ZZZ3: variants seen among roughly 807,000 people sequenced by gnomAD.
The protein encoded by ZZZ3 is ZZ-type zinc finger-containing protein 3.
In ZZZ3, 22 loss-of-function variants were observed where a neutral mutation model predicts 95.2. The observed-to-expected ratio is 0.23, with a 90% CI of 0.17 to 0.33. The LOEUF is 0.33. Among genes scored for constraint, ZZZ3 ranks in the 10% least tolerant of loss-of-function variants. The pLI is 1.00. For missense variants in ZZZ3, 885 were observed against 1,066.5 expected (o/e 0.83, Z 2.37); for synonymous variants, 335 against 358.9 (o/e 0.93, Z 0.75).
intron 4 of ZZZ3, among the ~76,000 whole-genome samples, chr1:77,638,874 G>T (rs114874323): frequency 0.03 from 4,533 of 152,236 alleles, 84 homozygotes; most frequent in Non-Finnish European, 0.044. Flanking sequence ...CCTCAGCAGT[G>T]CAATTACCAC....
At position 77,633,044 on chromosome 1, in the gene ZZZ3, C is replaced by G. The variant is rs1667955484; in HGVS notation, c.311G>C (p.Cys104Ser). ...DNIERQAIEN[C>S]ERRQTEPVSP... ...AACAGGTTCTGTTTGCCTTCTCTCA[C>G]AATTTTCTATAGCCTGCCTTTCTAT... The change falls in exon 5 of 15, where the codon TGT becomes TCT. Residue 104 changes from cysteine (C) to serine (S), a missense_variant. Physicochemically the swap from Cys to Ser is moderately radical, Grantham distance 112. Around this residue, in one of 5 missense-constraint regions of ZZZ3, gnomAD observed 556 missense variants for 652.9 expected, o/e 0.85. Transcript: ENST00000370801. The G allele has an allele frequency of 1.2e-6, 2 of 1,613,916 alleles. No homozygotes were observed. The highest frequency in any genetic ancestry group is 1.7e-6 in the Non-Finnish European group (2 of 1,180,002).
rs1190709390 is a variant in ZZZ3 at position 77,576,210 on chromosome 1, C to T, written c.2189G>A (p.Ser730Asn). Residue 730 changes from serine to asparagine, a missense_variant, in exon 12 of 15, where the codon AGC becomes AAC. Ser to Asn is a conservative substitution (Grantham distance 46). Around this residue, in one of 5 missense-constraint regions of ZZZ3, gnomAD observed 221 missense variants for 247.8 expected, o/e 0.89. Coordinates refer to ENST00000370801, the MANE Select transcript of ZZZ3 (RefSeq NM_015534.6). ...LYIYSKKSST[S>N]RRQHPLNKHL... The stretch of plus-strand genomic sequence containing the variant: ...CTTATTAAGAGGGTGCTGTCGTCTG[C>T]TTGTTGAAGACTAAGTAAGAAAACA... 1 of 1,593,238 alleles carries T rather than the reference C, an allele frequency of 6.3e-7. No individual in the cohort carries two copies. Among genetic ancestry groups the T allele is most frequent in the East Asian group, 2.2e-5 (1 of 44,558 alleles).
At chr1:77,601,400 G>C (rs1178828355) in intron 5 of ZZZ3, among the ~76,000 whole-genome samples, 1 of 152,052 alleles carries the variant, frequency 6.6e-6, no homozygotes, top group African/African-American at 2.4e-5. Context: ...AACAGAAATA[G>C]AAAATAGAAT....
At chr1:77,602,898 C>T (rs1319736349) in intron 5 of ZZZ3, among the ~76,000 whole-genome samples, 3 of 151,980 alleles carry the variant, frequency 2.0e-5, no homozygotes, top group African/African-American at 4.8e-5. Flanking sequence ...TCACCACGCT[C>T]GGCTACATGA....
At position 77,643,312 on chromosome 1, in the gene ZZZ3, T is replaced by C. The variant is rs74090678; in HGVS notation, c.-402-1657A>G. Among the ~76,000 whole-genome samples the C allele has an allele frequency of 3.4e-3, 524 of 152,344 alleles. 3 individuals carry two copies. Among genetic ancestry groups the C allele is most frequent in the African/African-American group, 0.012 (499 of 41,582 alleles). On this transcript the variant is annotated intron_variant, in intron 1 of 14. Coordinates refer to ENST00000370801, the MANE Select transcript of ZZZ3 (RefSeq NM_015534.6). Reference sequence around the variant, plus strand: ...ATTGTGTTCTTCACCTCATTCAATATACATTTCAAACTCAAGCATTCTGCA... The same window carrying C: ...ATTGTGTTCTTCACCTCATTCAATACACATTTCAAACTCAAGCATTCTGCA...
chr1:77,654,917 G>C (rs774315347), intron 1 of ZZZ3, among the ~76,000 whole-genome samples: 1 of 152,094 alleles, frequency 6.6e-6, no homozygotes, highest in Non-Finnish European at 1.5e-5. Flanking sequence ...CCAAAGTGCT[G>C]GGATTACAGG....
intron 5 of ZZZ3, 108 bp downstream of exon 5, chr1:77,631,742 T>C: frequency 1.1e-6 from 1 of 924,798 alleles, no homozygotes; most frequent in Non-Finnish European, 1.6e-6. Context: ...CCTAAAATTT[T>C]AGTGAAAACA....
chr1:77,617,850 C>G (rs943212232), intron 5 of ZZZ3, among the ~76,000 whole-genome samples: 1 of 151,610 alleles, frequency 6.6e-6, no homozygotes, highest in Non-Finnish European at 1.5e-5. Context: ...GAGGCTGAGG[C>G]AAGAGAATCA....
intron 4 of ZZZ3, among the ~76,000 whole-genome samples, chr1:77,637,794 A>C (rs950733): frequency 0.026 from 4,009 of 152,350 alleles, 77 homozygotes; most frequent in Middle Eastern, 0.096. Context: ...TTTCTTAAGA[A>C]TACAATAAAG....
chr1:77,637,609 C>T (rs1323238976), intron 4 of ZZZ3, among the ~76,000 whole-genome samples: 1 of 152,182 alleles, frequency 6.6e-6, no homozygotes, highest in African/African-American at 2.4e-5. Flanking sequence ...AAGAGGATCA[C>T]TTGAGCCCAG....
chr1:77,655,072 A>G (rs767407156), intron 1 of ZZZ3, among the ~76,000 whole-genome samples: 4 of 152,212 alleles, frequency 2.6e-5, no homozygotes, highest in Non-Finnish European at 5.9e-5. Flanking sequence ...GAGCATCACA[A>G]GGTGAGAAGG....
intron 1 of ZZZ3, among the ~76,000 whole-genome samples, chr1:77,676,640 C>A (rs1045548431): frequency 3.3e-4 from 50 of 152,116 alleles, no homozygotes; most frequent in African/African-American, 1.2e-3. Context: ...CCTCAACTTA[C>A]AGTAATCTTA....
chr1:77,643,795 C>T (rs1289953153), intron 1 of ZZZ3, among the ~76,000 whole-genome samples: 1 of 152,150 alleles, frequency 6.6e-6, no homozygotes, highest in Non-Finnish European at 1.5e-5. Context: ...ACACAACTTA[C>T]TATTAAAATA....
intron 13 of ZZZ3, among the ~76,000 whole-genome samples, chr1:77,567,808 C>A (rs994145618): frequency 5.3e-5 from 8 of 152,046 alleles, no homozygotes; most frequent in African/African-American, 7.2e-5. Context: ...GGGAAAAAAA[C>A]CCATTTCTGA....
chr1:77,574,002 C>T (rs1661665214), intron 12 of ZZZ3, among the ~76,000 whole-genome samples: 2 of 150,898 alleles, frequency 1.3e-5, no homozygotes, highest in Admixed American at 1.3e-4. Context: ...GTGAATTAAC[C>T]TAAATTAATA....
At chr1:77,589,009 A>T (rs888460607) in intron 5 of ZZZ3, among the ~76,000 whole-genome samples, 14 of 152,148 alleles carry the variant, frequency 9.2e-5, no homozygotes, top group Non-Finnish European at 1.8e-4. Flanking sequence ...CCTCCCACGT[A>T]GCTGGGACAG....
intron 5 of ZZZ3, among the ~76,000 whole-genome samples, chr1:77,627,803 G>A (rs1570549725): frequency 1.3e-5 from 2 of 152,124 alleles, no homozygotes; most frequent in East Asian, 3.8e-4. Flanking sequence ...CTTTGTAAGA[G>A]CTCAAGAATC....
intron 1 of ZZZ3, among the ~76,000 whole-genome samples, chr1:77,642,499 T>C (rs1003940826): frequency 3.3e-5 from 5 of 152,044 alleles, no homozygotes; most frequent in African/African-American, 9.7e-5. Context: ...ATCTCAGCAC[T>C]TTGGGAGGCC....
At chr1:77,598,238 A>C in intron 5 of ZZZ3, among the ~76,000 whole-genome samples, 1 of 152,270 alleles carries the variant, frequency 6.6e-6, no homozygotes, top group East Asian at 1.9e-4. Flanking sequence ...CTATATTCTT[A>C]AAATAAAGTA....
Sources: gnomAD v4.1 joint callset for allele counts (sites outside exome capture counted in the v4.1 genomes callset) on GRCh38, gnomAD v4.1.1 for gene constraint, gnomAD v4.1.1 regional missense constraint, MANE v1.5 for transcripts, NCBI Gene and HGNC (gene_info 2026-07-23, HGNC 2026-07-21) for gene names.